Variants in ANKRD12 observed in about 807,000 individuals in gnomAD.
The protein encoded by ANKRD12 is ankyrin repeat domain-containing protein 12.
A neutral mutation model predicts 183.4 loss-of-function variants in ANKRD12; 85 were observed. The observed-to-expected ratio is 0.46, with a 90% CI of 0.39 to 0.56. ANKRD12 has a LOEUF of 0.56. ANKRD12 is among the 20% of genes least tolerant of loss of function. ANKRD12 has a pLI of 0.00. For synonymous variants in ANKRD12, 914 were observed against 800.2 expected, an observed-to-expected ratio of 1.14 and a Z score of -2.40; for missense variants, 2,405 against 2,357.1, an observed-to-expected ratio of 1.02 and a Z score of -0.42.
At position 9,206,937 on chromosome 18, in the gene ANKRD12, AT is replaced by A. The variant is rs1345671284; in HGVS notation, c.305-1714del. 3.3e-5 allele frequency among the ~76,000 whole-genome samples: 5 copies of A among 152,148 alleles called. No homozygotes were observed. In the East Asian group the frequency reaches 5.8e-4, roughly 18 times the overall value. On this transcript the variant is annotated intron_variant, in intron 4 of 12. Transcript: ENST00000262126. ...AATATTTTGAGGATAGATGCTAAGT[AT>A]TTTTTGTTTCCTCTAATTACTAGAT...
intron 8 of ANKRD12, among the ~76,000 whole-genome samples, chr18:9,252,900 T>C (rs891892664): frequency 3.3e-5 from 5 of 152,212 alleles, no homozygotes; most frequent in Admixed American, 2.6e-4. Context: ...TTAAAGGATC[T>C]TATTCGAGTT....
At chr18:9,194,187 C>G (rs896142972) in intron 2 of ANKRD12, among the ~76,000 whole-genome samples, 9 of 152,064 alleles carry the variant, frequency 5.9e-5, no homozygotes, top group African/African-American at 1.7e-4. Flanking sequence ...ACTATTAAAA[C>G]AGATCATTAA....
chr18:9,206,959 T>G (rs2035522418), intron 4 of ANKRD12, among the ~76,000 whole-genome samples: 1 of 152,106 alleles, frequency 6.6e-6, no homozygotes, highest in Admixed American at 6.5e-5. Context: ...CTCTAATTAC[T>G]AGATTTTATT....
At chr18:9,272,316 A>G (rs539235308) in intron 10 of ANKRD12, among the ~76,000 whole-genome samples, 2 of 152,234 alleles carry the variant, frequency 1.3e-5, no homozygotes, top group East Asian at 3.9e-4. Context: ...TTATCCTAGC[A>G]TTTTGGGAGG....
intron 8 of ANKRD12, among the ~76,000 whole-genome samples, chr18:9,228,135 TG>T (rs2036831743): frequency 6.6e-6 from 1 of 152,218 alleles, no homozygotes; most frequent in African/African-American, 2.4e-5. Context: ...ATGAAATCCA[TG>T]TTGCTGCAAA....
intron 8 of ANKRD12, among the ~76,000 whole-genome samples, chr18:9,237,919 G>A (rs1433281568): frequency 1.3e-5 from 2 of 152,030 alleles, no homozygotes; most frequent in African/African-American, 2.4e-5. Context: ...CTGCATCCCC[G>A]TTTATTTAAT....
chr18:9,156,203 A>G (rs1265730857), intron 1 of ANKRD12, among the ~76,000 whole-genome samples: 2 of 151,270 alleles, frequency 1.3e-5, no homozygotes, highest in East Asian at 1.9e-4. Context: ...GGCTTTCTCT[A>G]TCCAAGGATT....
chr18:9,192,730 C>T (rs565559016), intron 2 of ANKRD12, among the ~76,000 whole-genome samples: 18 of 149,820 alleles, frequency 1.2e-4, no homozygotes, highest in African/African-American at 4.4e-4. Context: ...GAGACAGGGT[C>T]TTGCTCTGCT....
intron 10 of ANKRD12, among the ~76,000 whole-genome samples, chr18:9,267,916 G>T (rs141051188): frequency 6.6e-6 from 1 of 151,986 alleles, no homozygotes; most frequent in Non-Finnish European, 1.5e-5. Flanking sequence ...TCAAGTAGAC[G>T]CAATAAAAAA....
chr18:9,205,403 T>A (rs1212566587), intron 4 of ANKRD12, among the ~76,000 whole-genome samples: 22 of 152,016 alleles, frequency 1.4e-4, no homozygotes, highest in Non-Finnish European at 1.6e-4. Flanking sequence ...TAAACCTGTT[T>A]TATACACTTT....
Position 9,255,925 on chromosome 18 carries a change from GAA to G in ANKRD12, c.2659_2660del (p.Lys887GlufsTer8). On this transcript the variant is annotated frameshift_variant, in exon 9 of 13. Coordinates refer to ENST00000262126, the MANE Select transcript of ANKRD12 (RefSeq NM_015208.5). LOFTEE classifies it high-confidence loss of function. ...HTEKCHKEGEKSKNTAAIKKT... is the reference protein window; with the variant it reads ...HTEKCHKEGEXSKNTAAIKKT... ...CAGAAAAATGCCATAAAGAAGGTGAGAAGAGCAAAAATACTGCTGCTATTAAA... is the reference window on the plus strand; with the variant it reads ...CAGAAAAATGCCATAAAGAAGGTGAGGAGCAAAAATACTGCTGCTATTAAA... 1.3e-6 allele frequency: 2 copies of G among 1,589,222 alleles called. No individual in the cohort carries two copies. Among genetic ancestry groups the G allele is most frequent in the Non-Finnish European group, 1.7e-6 (2 of 1,173,420 alleles).
chr18:9,157,575 G>GTA (rs1324001858), intron 1 of ANKRD12, among the ~76,000 whole-genome samples: 10 of 112,780 alleles, frequency 8.9e-5, no homozygotes, highest in Non-Finnish European at 1.2e-4. Context: ...GTGTGTGTGT[G>GTA]TGTGTGTGTG....
intron 4 of ANKRD12, among the ~76,000 whole-genome samples, chr18:9,205,963 T>C (rs2035463970): frequency 6.6e-6 from 1 of 152,096 alleles, no homozygotes; most frequent in Non-Finnish European, 1.5e-5. Flanking sequence ...TAACACTTAA[T>C]TGGGATGTGA....
At chr18:9,186,627 A>G (rs953529899) in intron 2 of ANKRD12, among the ~76,000 whole-genome samples, 1 of 152,168 alleles carries the variant, frequency 6.6e-6, no homozygotes, top group Non-Finnish European at 1.5e-5. Flanking sequence ...TTTTATTCCA[A>G]AGATGCTAGG....
intron 1 of ANKRD12, among the ~76,000 whole-genome samples, chr18:9,137,405 G>A (rs2078146668): frequency 6.8e-6 from 1 of 146,474 alleles, no homozygotes; most frequent in Non-Finnish European, 1.5e-5. Flanking sequence ...GAACATGGCG[G>A]GGCCGGAGGA....
At chr18:9,147,964 C>G (rs1598389875) in intron 1 of ANKRD12, among the ~76,000 whole-genome samples, 1 of 152,282 alleles carries the variant, frequency 6.6e-6, no homozygotes, top group East Asian at 1.9e-4. Context: ...ATGAATTTTT[C>G]TAGTTTTCAG....
At chr18:9,239,318 T>G (rs1327110053) in intron 8 of ANKRD12, among the ~76,000 whole-genome samples, 1 of 152,234 alleles carries the variant, frequency 6.6e-6, no homozygotes, top group Non-Finnish European at 1.5e-5. Flanking sequence ...AACTTGCTTT[T>G]AGAAAGAAGT....
rs776351635 is a variant in ANKRD12 at position 9,255,236 on chromosome 18, C to G, written c.1969C>G (p.His657Asp). ...GKTLKKHKLK[H>D]KEREKEKHKK... Reference sequence around the variant, plus strand: ...AACATTAAAAAAACATAAATTGAAGCATAAAGAGAGGGAAAAAGAAAAGCA... The same window carrying G: ...AACATTAAAAAAACATAAATTGAAGGATAAAGAGAGGGAAAAAGAAAAGCA... Residue 657 changes from histidine to aspartate, a missense_variant, in exon 9 of 13, where the codon CAT (histidine) becomes GAT (aspartate). Around this residue, in one of 7 missense-constraint regions of ANKRD12, gnomAD observed 1,983 missense variants for 1,725.9 expected, o/e 1.15. Coordinates refer to ENST00000262126, the MANE Select transcript of ANKRD12 (RefSeq NM_015208.5). 1 of 1,558,350 alleles carries G rather than the reference C, an allele frequency of 6.4e-7. No homozygotes were observed. Among genetic ancestry groups the G allele is most frequent in the East Asian group, 2.3e-5 (1 of 43,244 alleles).
At chr18:9,216,933 A>AT in intron 7 of ANKRD12, 33 bp downstream of exon 7, 1 of 1,597,680 alleles carries the variant, frequency 6.3e-7, no homozygotes, top group Middle Eastern at 1.7e-4. Flanking sequence ...AATAATACAC[A>AT]TTTGCAAAAT....
Sources: allele counts gnomAD v4.1 joint callset (sites outside exome capture counted in the v4.1 genomes callset), GRCh38; gene constraint gnomAD v4.1.1; regional missense constraint gnomAD v4.1.1; transcripts MANE v1.5; gene names NCBI Gene and HGNC (gene_info 2026-07-23, HGNC 2026-07-21).